Variants in ISX observed in about 807,000 individuals in gnomAD.
ISX encodes the protein intestine specific homeobox.
In ISX, 15 loss-of-function variants were observed where a neutral mutation model predicts 16.9. That is an observed-to-expected ratio of 0.89 (90% CI 0.59 to 1.36). ISX has a LOEUF of 1.36. Among genes scored for constraint, ISX ranks in the 40% most tolerant of loss-of-function variants. The pLI is 0.00. For synonymous variants in ISX, 125 were observed against 119.7 expected, an observed-to-expected ratio of 1.04 and a Z score of -0.29; for missense variants, 316 against 306.1, an observed-to-expected ratio of 1.03 and a Z score of -0.24.
chr22:35,071,178 A>T (rs551084171), intron 2 of ISX, among the ~76,000 whole-genome samples: 7 of 152,110 alleles, frequency 4.6e-5, no homozygotes, highest in African/African-American at 1.7e-4. Flanking sequence ...CCAAATTCCA[A>T]ACCTTTCTTG....
At chr22:35,084,357 TC>T in intron 3 of ISX, 25 bp from the exon 4 acceptor site, 1 of 1,522,486 alleles carries the variant, frequency 6.6e-7, no homozygotes, top group Non-Finnish European at 9.1e-7. Context: ...CTCTTGCTTA[TC>T]CCCGTCCTTT....
At chr22:35,080,106 C>A (rs1272828645) in intron 2 of ISX, among the ~76,000 whole-genome samples, 1 of 152,200 alleles carries the variant, frequency 6.6e-6, no homozygotes. Flanking sequence ...CCTCACTTTC[C>A]TCCTCCTTCA....
intron 4 of ISX, among the ~76,000 whole-genome samples, chr22:35,084,954 C>A (rs1929213283): frequency 6.6e-6 from 1 of 152,028 alleles, no homozygotes; most frequent in Non-Finnish European, 1.5e-5. Flanking sequence ...ATGCTTAGCA[C>A]CTAGGAAGTG....
At chr22:35,083,473 T>A (rs1929170747) in intron 3 of ISX, among the ~76,000 whole-genome samples, 1 of 152,250 alleles carries the variant, frequency 6.6e-6, no homozygotes, top group Non-Finnish European at 1.5e-5. Flanking sequence ...AGAAATACAG[T>A]AGCCCATTGT....
intron 3 of ISX, 150 bp from the exon 4 acceptor site, chr22:35,084,233 C>G (rs1929190815): frequency 3.7e-6 from 2 of 542,822 alleles, no homozygotes; most frequent in African/African-American, 3.9e-5. Context: ...GAAAGCTGAC[C>G]TCCAGATCCA....
chr22:35,069,884 C>T (rs1042913699), intron 2 of ISX, among the ~76,000 whole-genome samples: 1 of 152,150 alleles, frequency 6.6e-6, no homozygotes, highest in African/African-American at 2.4e-5. Context: ...CACAGACAAC[C>T]CTTGCCATCT....
chr22:35,085,635 T>C lies in ISX; in HGVS notation c.680T>C (p.Leu227Pro), dbSNP rs1929234645. 6.2e-7 allele frequency: 1 copy of C among 1,614,060 alleles called. No individual in the cohort carries two copies. Among genetic ancestry groups the C allele is most frequent in the African/African-American group, 1.3e-5 (1 of 74,942 alleles). The change falls in exon 5 of 5, where the codon CTA (leucine) becomes CCA (proline). Residue 227 changes from leucine (L) to proline (P), a missense_variant. Physicochemically the swap from Leu to Pro is moderately conservative, Grantham distance 98 (BLOSUM62 -3). Transcript: ENST00000404699. ...LPIHQTCIPV[L>P]CILPPPHPKW... ...ATCCATCAAACTTGCATCCCTGTGC[T>C]ATGCATCCTTCCACCTCCACACCCC...
intron 4 of ISX, 80 bp downstream of exon 4, chr22:35,084,579 C>A (rs2146295975): frequency 1.1e-6 from 1 of 885,134 alleles, no homozygotes; most frequent in Non-Finnish European, 1.8e-6. Flanking sequence ...TGTGAAGAAG[C>A]ACCTCGGGGG....
intron 2 of ISX, among the ~76,000 whole-genome samples, chr22:35,068,039 A>T (rs1928751441): frequency 6.6e-6 from 1 of 152,220 alleles, no homozygotes; most frequent in Admixed American, 6.5e-5. Flanking sequence ...GGAACCCAGG[A>T]TGTGAGTCTT....
intron 2 of ISX, among the ~76,000 whole-genome samples, chr22:35,081,320 A>G (rs965764924): frequency 1.3e-5 from 2 of 152,322 alleles, no homozygotes; most frequent in Admixed American, 1.3e-4. Flanking sequence ...GTGGGTCAAC[A>G]AAGTATTGGA....
intron 2 of ISX, among the ~76,000 whole-genome samples, chr22:35,067,703 A>G (rs1208320300): frequency 6.6e-6 from 1 of 152,208 alleles, no homozygotes; most frequent in Non-Finnish European, 1.5e-5. Context: ...GAGGAGGATA[A>G]TGTCCCCAAG....
Position 35,066,892 on chromosome 22 carries a change from TC to T in ISX, c.-194del, listed in dbSNP as rs1928712504. 1 of 578,052 alleles carries T rather than the reference TC, an allele frequency of 1.7e-6. No individual in the cohort carries two copies. Among genetic ancestry groups the T allele is most frequent in the African/African-American group, 1.9e-5 (1 of 53,458 alleles). The allele number at this position is 578,052 out of a possible 1,614,324, so 35.8% of individuals were successfully genotyped here. A position where few individuals can be genotyped will look rare whatever the true frequency, so the allele number is the denominator to read the frequency against. ...CTGAGCCGTGGGCACAGGATACCAC[TC>T]CTTCCAGCTCTTCTGCTGTGACCTG... On this transcript the variant is annotated 5_prime_UTR_variant, in exon 2 of 5. Transcript: ENST00000404699.
chr22:35,083,325 G>C lies in ISX; in HGVS notation c.381+656G>C, dbSNP rs569242604. ...TCAACCCCTGATCTACAACACATGG[G>C]TATCCCTTTGGAGGCAGTGTAGAGA... On this transcript the variant is annotated intron_variant, in intron 3 of 4. Coordinates refer to ENST00000404699, the MANE Select transcript of ISX (RefSeq NM_001303508.2). Among the ~76,000 whole-genome samples, 5 of 152,312 alleles carry C rather than the reference G, an allele frequency of 3.3e-5. No individual in the cohort carries two copies. In the South Asian group the frequency reaches 1.0e-3, roughly 32 times the overall value.
At chr22:35,075,523 C>T (rs1417221439) in intron 2 of ISX, among the ~76,000 whole-genome samples, 2 of 152,154 alleles carry the variant, frequency 1.3e-5, no homozygotes, top group Non-Finnish European at 2.9e-5. Context: ...AGGAGCTCTA[C>T]TGCTGTTTGT....
At chr22:35,067,746 A>G (rs993478879) in intron 2 of ISX, among the ~76,000 whole-genome samples, 7 of 152,240 alleles carry the variant, frequency 4.6e-5, no homozygotes, top group South Asian at 2.1e-4. Context: ...CCCCGCTATC[A>G]GGACCTGGCT....
chr22:35,069,574 C>T (rs891606352), intron 2 of ISX, among the ~76,000 whole-genome samples: 1 of 152,168 alleles, frequency 6.6e-6, no homozygotes, highest in East Asian at 1.9e-4. Flanking sequence ...GGTGATTTTC[C>T]ACTGTAGAAT....
At chr22:35,067,893 C>T (rs1397308924) in intron 2 of ISX, among the ~76,000 whole-genome samples, 1 of 152,198 alleles carries the variant, frequency 6.6e-6, no homozygotes, top group African/African-American at 2.4e-5. Flanking sequence ...CCACCCTGAT[C>T]ACCTTCCCCA....
intron 2 of ISX, among the ~76,000 whole-genome samples, chr22:35,079,501 G>T (rs1180092654): frequency 6.6e-6 from 1 of 152,158 alleles, no homozygotes; most frequent in Non-Finnish European, 1.5e-5. Context: ...GTCAGTTACA[G>T]TCCCTACTCA....
chr22:35,082,476 A>G, intron 2 of ISX, 42 bp from the exon 3 acceptor site: 15 of 1,602,210 alleles, frequency 9.4e-6, no homozygotes, highest in Non-Finnish European at 1.2e-5. Context: ...CTAGGTGCTG[A>G]CACCAAGGCC....
Sources: allele counts gnomAD v4.1 joint callset (sites outside exome capture counted in the v4.1 genomes callset), GRCh38; gene constraint gnomAD v4.1.1; transcripts MANE v1.5; gene names NCBI Gene and HGNC (gene_info 2026-07-23, HGNC 2026-07-21).